TMEM63C: variants seen among roughly 807,000 people sequenced by gnomAD.
TMEM63C encodes the protein transmembrane protein 63C, also known as osmosensitive cation channel TMEM63C.
A neutral mutation model predicts 99.2 loss-of-function variants in TMEM63C; 32 were observed. That is an observed-to-expected ratio of 0.32 (90% CI 0.24 to 0.43). The LOEUF (loss-of-function observed/expected upper bound fraction) is 0.43, where lower values mean the gene tolerates loss of function less well. Ranked by LOEUF, TMEM63C falls within the 20% of genes least tolerant of loss-of-function variation. The pLI is 1.00. For synonymous variants in TMEM63C, 376 were observed against 397.9 expected (o/e 0.94, Z 0.66); for missense variants, 826 against 1,053.0 (o/e 0.78, Z 2.98).
At chr14:77,246,770 A>C (rs1045567335) in intron 18 of TMEM63C, 96 bp downstream of exon 18, 1 of 1,027,424 alleles carries the variant, frequency 9.7e-7, no homozygotes, top group Admixed American at 2.1e-5. Context: ...ATTTGCTCAC[A>C]GAAGTGTAGA....
intron 1 of TMEM63C, among the ~76,000 whole-genome samples, chr14:77,190,430 C>T (rs923854549): frequency 3.9e-5 from 6 of 151,956 alleles, no homozygotes; most frequent in African/African-American, 9.7e-5. Context: ...CTATGAAGCA[C>T]GAACAACATG....
intron 16 of TMEM63C, among the ~76,000 whole-genome samples, chr14:77,244,850 C>T (rs1429613571): frequency 6.6e-6 from 1 of 152,196 alleles, no homozygotes; most frequent in East Asian, 1.9e-4. Flanking sequence ...AATGCTTTGG[C>T]CACACAGAGG....
At chr14:77,185,829 T>C (rs532881143) in intron 1 of TMEM63C, among the ~76,000 whole-genome samples, 6 of 152,004 alleles carry the variant, frequency 3.9e-5, no homozygotes, top group Non-Finnish European at 5.9e-5. Flanking sequence ...GAGTCTTCCA[T>C]TTGCAACATG....
At chr14:77,234,171 G>C (rs1888995103) in intron 8 of TMEM63C, among the ~76,000 whole-genome samples, 2 of 152,176 alleles carry the variant, frequency 1.3e-5, no homozygotes, top group Admixed American at 1.3e-4. Flanking sequence ...AGGCCAGCTT[G>C]GCTGATTCCT....
intron 1 of TMEM63C, among the ~76,000 whole-genome samples, chr14:77,200,748 TCTC>T (rs1209639882): frequency 6.6e-6 from 1 of 152,148 alleles, no homozygotes; most frequent in Non-Finnish European, 1.5e-5. Flanking sequence ...CATGCCCAGG[TCTC>T]CTCCCGGAAT....
chr14:77,186,227 A>G lies in TMEM63C; in HGVS notation c.-77+4333A>G, dbSNP rs145097499. ...AGGGTTTCGCCATGTTGGCCAGGCTAGTCTCAAACTCCTGACCTCAGGTGA... is the reference window on the plus strand; with the variant it reads ...AGGGTTTCGCCATGTTGGCCAGGCTGGTCTCAAACTCCTGACCTCAGGTGA... On this transcript the variant is annotated intron_variant, in intron 1 of 23. Coordinates refer to ENST00000298351, the MANE Select transcript of TMEM63C (RefSeq NM_020431.4). Among the ~76,000 whole-genome samples the G allele has an allele frequency of 4.0e-3, 616 of 152,170 alleles. 7 individuals carry two copies. Among genetic ancestry groups the G allele is most frequent in the African/African-American group, 0.014 (593 of 41,524 alleles).
At chr14:77,213,047 A>G (rs1241781133) in intron 1 of TMEM63C, among the ~76,000 whole-genome samples, 1 of 152,224 alleles carries the variant, frequency 6.6e-6, no homozygotes. Context: ...GAATGAATGA[A>G]TGAACCAATA....
At chr14:77,231,061 T>C (rs923766202) in intron 6 of TMEM63C, among the ~76,000 whole-genome samples, 13 of 152,190 alleles carry the variant, frequency 8.5e-5, no homozygotes, top group African/African-American at 3.1e-4. Flanking sequence ...TGGGCCAGCA[T>C]ATACACCCAT....
At chr14:77,218,030 G>A (rs1015606830) in intron 2 of TMEM63C, among the ~76,000 whole-genome samples, 6 of 152,224 alleles carry the variant, frequency 3.9e-5, no homozygotes, top group South Asian at 2.1e-4. Context: ...ACAACAGGGT[G>A]ACTATAGTCA....
At chr14:77,212,769 A>C (rs1038655147) in intron 1 of TMEM63C, among the ~76,000 whole-genome samples, 2 of 152,090 alleles carry the variant, frequency 1.3e-5, no homozygotes, top group Non-Finnish European at 2.9e-5. Flanking sequence ...TTCCTCCCTC[A>C]CTGCCCTGCA....
chr14:77,251,740 C>A, intron 21 of TMEM63C, 49 bp from the exon 22 acceptor site: 2 of 1,492,730 alleles, frequency 1.3e-6, no homozygotes, highest in Non-Finnish European at 1.9e-6. Context: ...GTTGGGGTGG[C>A]ATCTCGGCTG....
At chr14:77,253,822 G>C (rs1368093653) in intron 23 of TMEM63C, among the ~76,000 whole-genome samples, 1 of 152,232 alleles carries the variant, frequency 6.6e-6, no homozygotes, top group Non-Finnish European at 1.5e-5. Flanking sequence ...AAATGAGCGA[G>C]CCTGTCTGCG....
intron 9 of TMEM63C, among the ~76,000 whole-genome samples, chr14:77,238,150 C>A (rs538894314): frequency 6.6e-6 from 1 of 152,212 alleles, no homozygotes; most frequent in African/African-American, 2.4e-5. Context: ...TTCCCATTCA[C>A]AGAATAAAGT....
chr14:77,222,316 C>T (rs930299916), intron 5 of TMEM63C, among the ~76,000 whole-genome samples: 5 of 152,196 alleles, frequency 3.3e-5, no homozygotes, highest in African/African-American at 1.2e-4. Context: ...TGTGTCTCCA[C>T]GTTGTGTTGC....
At chr14:77,209,459 C>A (rs934672994) in intron 1 of TMEM63C, among the ~76,000 whole-genome samples, 10 of 152,118 alleles carry the variant, frequency 6.6e-5, no homozygotes, top group Non-Finnish European at 1.5e-5. Flanking sequence ...CTCATTGAGG[C>A]CTACTACGTG....
At chr14:77,186,776 G>GTGTGTGTGTGTGT (rs1888001342) in intron 1 of TMEM63C, among the ~76,000 whole-genome samples, 1 of 138,438 alleles carries the variant, frequency 7.2e-6, no homozygotes, top group African/African-American at 2.8e-5. Context: ...GAACCAAAGG[G>GTGTGTGTGTGTGT]GTGTGTGTGT....
intron 13 of TMEM63C, among the ~76,000 whole-genome samples, chr14:77,241,754 A>T (rs1264229898): frequency 6.6e-6 from 1 of 152,220 alleles, no homozygotes; most frequent in Admixed American, 6.5e-5. Context: ...AAAGCAATAC[A>T]CCTACCTAAG....
At chr14:77,222,943 C>G (rs1366083531) in intron 5 of TMEM63C, among the ~76,000 whole-genome samples, 4 of 152,244 alleles carry the variant, frequency 2.6e-5, no homozygotes, top group African/African-American at 9.6e-5. Flanking sequence ...CTCACCACTG[C>G]ACCCCACATC....
Position 77,210,476 on chromosome 14 carries a change from C to G in TMEM63C, c.-76-2970C>G, listed in dbSNP as rs114442638. ...ATGGTATGGGGCAGGGAAGGGCTTACTGATATTTAGGGAAAGATTTATGGC... is the reference window on the plus strand; with the variant it reads ...ATGGTATGGGGCAGGGAAGGGCTTAGTGATATTTAGGGAAAGATTTATGGC... On this transcript the variant is annotated intron_variant, in intron 1 of 23. Transcript: ENST00000298351. Among the ~76,000 whole-genome samples, 453 of 152,232 alleles carry G rather than the reference C, an allele frequency of 3.0e-3. 3 individuals are homozygous for G. Among genetic ancestry groups the G allele is most frequent in the African/African-American group, 0.01 (433 of 41,526 alleles).
Sources: allele counts gnomAD v4.1 joint callset (sites outside exome capture counted in the v4.1 genomes callset), GRCh38; gene constraint gnomAD v4.1.1; transcripts MANE v1.5; gene names NCBI Gene and HGNC (gene_info 2026-07-23, HGNC 2026-07-21).